The following NFE2L3 variants were observed in gnomAD, a reference collection of about 807,000 sequenced individuals.
The protein encoded by NFE2L3 is NFE2 like bZIP transcription factor 3.
In NFE2L3, 18 loss-of-function variants were observed where a neutral mutation model predicts 23.5. That is an observed-to-expected ratio of 0.77 (90% CI 0.53 to 1.13). The LOEUF (loss-of-function observed/expected upper bound fraction) is 1.13, where lower values mean the gene tolerates loss of function less well. NFE2L3 is among the 50% of genes most tolerant of loss of function. NFE2L3 has a pLI of 0.00. For synonymous variants in NFE2L3, 424 were observed against 354.5 expected (o/e 1.20, Z -2.20); for missense variants, 1,152 against 877.2 (o/e 1.31, Z -3.96).
chr7:26,185,068 C>G lies in NFE2L3; in HGVS notation c.1370C>G (p.Ser457Cys). The change falls in exon 4 of 4, where the codon TCC becomes TGC. Residue 457 changes from serine to cysteine, a missense_variant. Coordinates refer to ENST00000056233, the MANE Select transcript of NFE2L3 (RefSeq NM_004289.7). ...TATTGCACTGACCATGAATCTAGTT[C>G]CCATCATGACTTAGAAGGTGCTGTA... Reference protein sequence around the residue: ...IGYCTDHESSSHHDLEGAVGG... With the variant: ...IGYCTDHESSCHHDLEGAVGG... 6.2e-7 allele frequency: 1 copy of G among 1,613,692 alleles called. No homozygotes were observed. Among genetic ancestry groups the G allele is most frequent in the South Asian group, 1.1e-5 (1 of 91,052 alleles).
intron 1 of NFE2L3, among the ~76,000 whole-genome samples, chr7:26,164,668 C>T (rs1057065404): frequency 2.0e-5 from 3 of 152,158 alleles, no homozygotes; most frequent in African/African-American, 7.2e-5. Context: ...TCAATTAGAT[C>T]CCATTTGTCA....
intron 2 of NFE2L3, among the ~76,000 whole-genome samples, chr7:26,180,006 C>T (rs1784478152): frequency 6.6e-6 from 1 of 152,126 alleles, no homozygotes; most frequent in Non-Finnish European, 1.5e-5. Flanking sequence ...CTGAATGTTC[C>T]GTGGTATACA....
intron 1 of NFE2L3, among the ~76,000 whole-genome samples, chr7:26,170,386 A>C (rs1784316669): frequency 6.6e-6 from 1 of 152,080 alleles, no homozygotes; most frequent in Non-Finnish European, 1.5e-5. Context: ...TACTATCTTC[A>C]TATTCACCCC....
At chr7:26,163,110 A>G (rs1292069329) in intron 1 of NFE2L3, among the ~76,000 whole-genome samples, 1 of 152,154 alleles carries the variant, frequency 6.6e-6, no homozygotes, top group Non-Finnish European at 1.5e-5. Flanking sequence ...ATGGCCGGTC[A>G]TGTTTCATCT....
chr7:26,185,207 G>A lies in NFE2L3; in HGVS notation c.1509G>A (p.Gln503=), dbSNP rs1455401392. The part of the protein sequence containing the change: ...HVFHNHTYHL[Q]PTAPESTSEP... ...TTCATAACCACACTTACCACTTACA[G>A]CCAACTGCACCAGAATCTACTTCTG... is the stretch of plus-strand genomic sequence containing the variant. Residue 503 remains glutamine, a synonymous_variant, in exon 4 of 4, where the codon CAG becomes CAA. Coordinates refer to ENST00000056233, the MANE Select transcript of NFE2L3 (RefSeq NM_004289.7). The A allele has an allele frequency of 6.2e-7, 1 of 1,613,812 alleles. No homozygotes were observed. The highest frequency in any genetic ancestry group is 2.2e-5 in the East Asian group (1 of 44,870).
At position 26,177,969 on chromosome 7, in the gene NFE2L3, C is replaced by T. The variant is rs1183842125; in HGVS notation, c.597C>T (p.His199=). ...SEENGVLREK[H]EAVDHSSQHE... ...AGAATGGGGTACTAAGAGAAAAGCACGAAGCTGTGGATCATAGTTCCCAGC... is the reference window on the plus strand; with the variant it reads ...AGAATGGGGTACTAAGAGAAAAGCATGAAGCTGTGGATCATAGTTCCCAGC... The change falls in exon 2 of 4, where the codon CAC becomes CAT. Residue 199 remains histidine (H), a synonymous_variant. Coordinates refer to ENST00000056233, the MANE Select transcript of NFE2L3 (RefSeq NM_004289.7). 4 of 1,613,218 alleles carry T rather than the reference C, an allele frequency of 2.5e-6. No homozygotes were observed. Among genetic ancestry groups the T allele is most frequent in the Admixed American group, 3.3e-5 (2 of 59,838 alleles).
In NFE2L3 at chr7:26,152,973, G is replaced by T. The variant is rs1221127646; in HGVS notation, c.475G>T (p.Ala159Ser). ...GCAGGGGGGCGGCGGGGACCCCCGA[G>T]CGGCTCGGAGTGGCCCCTTGGACGC... ...AVQGGGGDPR[A>S]ARSGPLDAGE... The change falls in exon 1 of 4, where the codon GCG becomes TCG. Residue 159 changes from alanine (A) to serine (S), a missense_variant. Ala to Ser is a moderately conservative substitution (Grantham distance 99). Coordinates refer to ENST00000056233, the MANE Select transcript of NFE2L3 (RefSeq NM_004289.7). This position sits in a 1 kb window ranked among gnomAD's most constrained non-coding sequence, Gnocchi z 4.4. 1 of 1,497,622 alleles carries T rather than the reference G, an allele frequency of 6.7e-7. No homozygotes were observed. Among genetic ancestry groups the T allele is most frequent in the Admixed American group, 2.2e-5 (1 of 45,994 alleles). 92.8% of individuals were successfully genotyped at this position (1,497,622 alleles called of 1,614,324 possible).
Position 26,184,873 on chromosome 7 carries a change from T to C in NFE2L3, c.1175T>C (p.Ile392Thr), listed in dbSNP as rs1280127077. The change falls in exon 4 of 4, where the codon ATA (isoleucine) becomes ACA (threonine). Residue 392 changes from isoleucine (I) to threonine (T), a missense_variant. Physicochemically the swap from Ile to Thr is moderately conservative, Grantham distance 89 (BLOSUM62 -1). Coordinates refer to ENST00000056233, the MANE Select transcript of NFE2L3 (RefSeq NM_004289.7). ...YDLDINIFDE[I>T]NLMSLATEDN... Reference sequence around the variant, plus strand: ...CTTGACATAAATATATTTGATGAGATAAACTTAATGTCATTGGCCACAGAA... The same window carrying C: ...CTTGACATAAATATATTTGATGAGACAAACTTAATGTCATTGGCCACAGAA... The C allele has an allele frequency of 1.2e-6, 2 of 1,613,740 alleles. No individual in the cohort carries two copies. Among genetic ancestry groups the C allele is most frequent in the African/African-American group, 2.7e-5 (2 of 74,918 alleles).
At chr7:26,166,793 A>T (rs1020775521) in intron 1 of NFE2L3, among the ~76,000 whole-genome samples, 2 of 152,174 alleles carry the variant, frequency 1.3e-5, no homozygotes, top group Admixed American at 1.3e-4. Context: ...CAGCCTAGAG[A>T]CAGGCCTCAG....
chr7:26,175,950 T>C (rs1407631664), intron 1 of NFE2L3, among the ~76,000 whole-genome samples: 1 of 149,224 alleles, frequency 6.7e-6, no homozygotes, highest in Non-Finnish European at 1.5e-5. Flanking sequence ...GGAGAGAAGG[T>C]CAGCAGATAA....
chr7:26,177,326 C>G (rs1422543858), intron 1 of NFE2L3, among the ~76,000 whole-genome samples: 3 of 152,176 alleles, frequency 2.0e-5, no homozygotes, highest in Non-Finnish European at 4.4e-5. Flanking sequence ...ATTGAGTGAG[C>G]GAGACTCCCT....
At chr7:26,181,550 C>T (rs749272510) in intron 2 of NFE2L3, among the ~76,000 whole-genome samples, 15 of 152,074 alleles carry the variant, frequency 9.9e-5, no homozygotes, top group Admixed American at 3.9e-4. Flanking sequence ...CAAGAATCCT[C>T]GGCCAAGAGA....
intron 3 of NFE2L3, chr7:26,184,331 A>G (rs1782418622): frequency 1.9e-6 from 1 of 535,104 alleles, no homozygotes; most frequent in African/African-American, 1.9e-5. Context: ...TTTCTAGGTT[A>G]CTCAGAATTC....
At chr7:26,177,066 C>T (rs1784424589) in intron 1 of NFE2L3, among the ~76,000 whole-genome samples, 1 of 63,194 alleles carries the variant, frequency 1.6e-5, no homozygotes, top group Admixed American at 1.6e-4. Flanking sequence ...ATGCTCCTCA[C>T]TTCCTAGACG....
chr7:26,152,642 C>T lies in NFE2L3; in HGVS notation c.144C>T (p.Phe48=). The part of the protein sequence containing the change: ...PPTLLQDELL[F]LGGPASSAYA... ...CCCTGCTGCAGGACGAGCTGCTGTT[C>T]CTGGGCGGCCCGGCCAGCTCCGCCT... The change falls in exon 1 of 4, where the codon TTC becomes TTT. Residue 48 remains phenylalanine, a synonymous_variant. Coordinates refer to ENST00000056233, the MANE Select transcript of NFE2L3 (RefSeq NM_004289.7). The surrounding 1 kb of genome is among the most constrained non-coding windows in gnomAD (Gnocchi z 4.4). The T allele has an allele frequency of 6.6e-7, 1 of 1,517,712 alleles. No homozygotes were observed. Among genetic ancestry groups the T allele is most frequent in the East Asian group, 2.7e-5 (1 of 36,918 alleles). 94.0% of individuals were successfully genotyped at this position (1,517,712 alleles called of 1,614,324 possible). A position where few individuals can be genotyped will look rare whatever the true frequency, so the allele number is the denominator to read the frequency against.
In NFE2L3 at chr7:26,186,246, TATAAATTTTGCTTTCTATGGAA is replaced by T. The variant is rs1477268872; in HGVS notation, c.*474_*495del. On this transcript the variant is annotated 3_prime_UTR_variant, in exon 4 of 4. Transcript: ENST00000056233. ...ACTATTTTAATCTTTATATTTAACT[TATAAATTTTGCTTTCTATGGAA>T]ATAAATTTTGTATTTGTATTAAAAA... 2.8e-5 allele frequency: 4 copies of T among 143,528 alleles called. No individual in the cohort carries two copies. Among genetic ancestry groups the T allele is most frequent in the African/African-American group, 8.3e-5 (3 of 36,176 alleles). The allele number at this position is 143,528 out of a possible 1,614,324, so 8.9% of individuals were successfully genotyped here.
At chr7:26,153,545 C>A (rs1000647604) in intron 1 of NFE2L3, among the ~76,000 whole-genome samples, 3 of 152,172 alleles carry the variant, frequency 2.0e-5, no homozygotes, top group Non-Finnish European at 4.4e-5. Flanking sequence ...AATTGCTGTT[C>A]GTTTTTGCTG....
chr7:26,166,768 A>T (rs761182526), intron 1 of NFE2L3, among the ~76,000 whole-genome samples: 13 of 152,104 alleles, frequency 8.5e-5, no homozygotes, highest in South Asian at 2.1e-4. Flanking sequence ...AGCCCTGATG[A>T]CTCTAGCTTG....
intron 1 of NFE2L3, among the ~76,000 whole-genome samples, chr7:26,161,467 A>C (rs1325024792): frequency 6.8e-6 from 1 of 147,070 alleles, no homozygotes; most frequent in Non-Finnish European, 1.5e-5. Flanking sequence ...TGCCAGGCCC[A>C]CCCATCTACC....
Sources: gnomAD v4.1 joint callset for allele counts (sites outside exome capture counted in the v4.1 genomes callset) on GRCh38, gnomAD v4.1.1 for gene constraint, Gnocchi (gnomAD v3.1) non-coding constraint, MANE v1.5 for transcripts, NCBI Gene and HGNC (gene_info 2026-07-23, HGNC 2026-07-21) for gene names.